Variants in ENTHD1 observed in about 807,000 individuals in gnomAD.
The protein encoded by ENTHD1 is ENTH domain containing 1.
A neutral mutation model predicts 39.1 loss-of-function variants in ENTHD1; 23 were observed. The ratio of observed to expected loss-of-function variants is 0.59; its 90% CI spans 0.42 to 0.83. ENTHD1 has a LOEUF of 0.83. Ranked by LOEUF, ENTHD1 falls within the 40% of genes least tolerant of loss-of-function variation. The pLI, the probability that ENTHD1 is intolerant of heterozygous loss-of-function variation, is 0.00. For synonymous variants in ENTHD1, 230 were observed against 258.2 expected (o/e 0.89, Z 1.05); for missense variants, 624 against 705.4 (o/e 0.88, Z 1.31).
chr22:39,756,287 G>GTCTCTCTCTCTC (rs769318998), intron 6 of ENTHD1, among the ~76,000 whole-genome samples: 4 of 144,336 alleles, frequency 2.8e-5, no homozygotes, highest in East Asian at 4.1e-4. Flanking sequence ...CAATGTCTCT[G>GTCTCTCTCTCTC]TCTCTCTCTC....
At position 39,786,676 on chromosome 22, in the gene ENTHD1, T is replaced by C. The variant is rs192560731; in HGVS notation, c.833-21067A>G. 6.0e-3 allele frequency among the ~76,000 whole-genome samples: 913 copies of C among 152,206 alleles called. 4 individuals carry two copies. Among genetic ancestry groups the C allele is most frequent in the African/African-American group, 0.021 (871 of 41,534 alleles). On this transcript the variant is annotated intron_variant, in intron 5 of 6. Coordinates refer to ENST00000325157, the MANE Select transcript of ENTHD1 (RefSeq NM_152512.4). ...CATCTGAAGTGAAACTTTATACACTTTAACCAACATCTCTCCAATCCCCTC... is the reference window on the plus strand; with the variant it reads ...CATCTGAAGTGAAACTTTATACACTCTAACCAACATCTCTCCAATCCCCTC...
Position 39,861,908 on chromosome 22 carries a change from C to G in ENTHD1, c.449G>C (p.Arg150Pro), listed in dbSNP as rs762245558. 1 of 1,603,288 alleles carries G rather than the reference C, an allele frequency of 6.2e-7. No individual in the cohort carries two copies. The highest frequency in any genetic ancestry group is 8.5e-7 in the Non-Finnish European group (1 of 1,172,660). ...EREVACRTRQRTSHSILFSKR... is the reference protein window; with the variant it reads ...EREVACRTRQPTSHSILFSKR... ...AGAAAACAATATAGAGTGGGAGGTA[C>G]GCTGTCTAGTCCGACATGCCACTTC... is the stretch of plus-strand genomic sequence containing the variant. Residue 150 changes from arginine to proline, a missense_variant, in exon 3 of 7, where the codon CGT becomes CCT. Physicochemically the swap from Arg to Pro is moderately radical, Grantham distance 103 (BLOSUM62 -2). Transcript: ENST00000325157.
chr22:39,840,418 C>T (rs1017971844), intron 3 of ENTHD1, among the ~76,000 whole-genome samples: 2 of 152,162 alleles, frequency 1.3e-5, no homozygotes, highest in African/African-American at 4.8e-5. Context: ...AGATATCAAA[C>T]TGACGTTCAA....
At chr22:39,822,101 C>T (rs1302500680) in intron 4 of ENTHD1, among the ~76,000 whole-genome samples, 1 of 152,110 alleles carries the variant, frequency 6.6e-6, no homozygotes, top group Non-Finnish European at 1.5e-5. Context: ...GTTCATATTT[C>T]CAACTTCTCC....
intron 3 of ENTHD1, among the ~76,000 whole-genome samples, chr22:39,844,988 A>G (rs1362846125): frequency 1.3e-5 from 2 of 152,094 alleles, no homozygotes; most frequent in Non-Finnish European, 2.9e-5. Flanking sequence ...GACCTCGTAT[A>G]AGAGACTCAA....
At chr22:39,877,549 C>T (rs920836305) in intron 2 of ENTHD1, among the ~76,000 whole-genome samples, 2 of 152,156 alleles carry the variant, frequency 1.3e-5, no homozygotes, top group Non-Finnish European at 2.9e-5. Context: ...GTGCTGAGGT[C>T]GGGAAGCCTG....
At chr22:39,794,853 GA>G (rs1448522933) in intron 5 of ENTHD1, among the ~76,000 whole-genome samples, 3 of 152,094 alleles carry the variant, frequency 2.0e-5, no homozygotes, top group African/African-American at 7.2e-5. Context: ...GTTCTTAGAG[GA>G]AAGGCTTTTA....
intron 4 of ENTHD1, among the ~76,000 whole-genome samples, chr22:39,831,457 AG>A (rs1461622366): frequency 5.3e-5 from 8 of 152,206 alleles, no homozygotes; most frequent in Non-Finnish European, 8.8e-5. Flanking sequence ...GAGCTACTCA[AG>A]ATGAGCTTAT....
intron 1 of ENTHD1, among the ~76,000 whole-genome samples, chr22:39,892,075 C>T (rs1218464022): frequency 1.3e-5 from 2 of 152,098 alleles, no homozygotes; most frequent in Non-Finnish European, 2.9e-5. Context: ...ATTTTCAAAT[C>T]ATCAACAGAT....
Position 39,765,374 on chromosome 22 carries a change from G to C in ENTHD1, c.1068C>G (p.Phe356Leu). The C allele has an allele frequency of 1.2e-6, 2 of 1,614,044 alleles. No homozygotes were observed. Among genetic ancestry groups the C allele is most frequent in the Non-Finnish European group, 1.7e-6 (2 of 1,179,998 alleles). Residue 356 changes from phenylalanine (F) to leucine (L), a missense_variant, in exon 6 of 7, where the codon TTC (phenylalanine) becomes TTG (leucine). Transcript: ENST00000325157. ...GTGTTTCTACAGAGGCCTGGTTATG[G>C]AAAGTAGAATCTGACTTTGATACCC... Reference protein sequence around the residue: ...DLRVSKSDSTFHNQASVETLC... With the variant: ...DLRVSKSDSTLHNQASVETLC...
intron 5 of ENTHD1, among the ~76,000 whole-genome samples, chr22:39,772,629 A>T (rs1274673568): frequency 6.6e-6 from 1 of 152,206 alleles, no homozygotes; most frequent in Non-Finnish European, 1.5e-5. Context: ...TAATAGAAAA[A>T]TAGCAGTTGT....
intron 1 of ENTHD1, 154 bp downstream of exon 1, chr22:39,893,541 G>A (rs927553213): frequency 6.6e-6 from 1 of 152,390 alleles, no homozygotes; most frequent in East Asian, 1.9e-4. Flanking sequence ...TCACGCCACA[G>A]GGATTTCACC....
rs147186731 is a variant in ENTHD1 at position 39,879,930 on chromosome 22, T to G, written c.349+7470A>C. ...ATCCCAACAATGGGCTACTATTAAG[T>G]GCTAAAAGGAAATGAGGCTGGGCGC... On this transcript the variant is annotated intron_variant, in intron 2 of 6. Coordinates refer to ENST00000325157, the MANE Select transcript of ENTHD1 (RefSeq NM_152512.4). Among the ~76,000 whole-genome samples the G allele has an allele frequency of 7.2e-3, 1,097 of 152,310 alleles. 8 individuals carry two copies. Among genetic ancestry groups the G allele is most frequent in the Non-Finnish European group, 0.013 (899 of 68,028 alleles).
chr22:39,790,313 A>G lies in ENTHD1; in HGVS notation c.833-24704T>C, dbSNP rs539362348. ...GCTGCAATAATTCATGGAGGCAACAATGGTGGACAGGATATCTTGATCCTG... is the reference window on the plus strand; with the variant it reads ...GCTGCAATAATTCATGGAGGCAACAGTGGTGGACAGGATATCTTGATCCTG... On this transcript the variant is annotated intron_variant, in intron 5 of 6. Transcript: ENST00000325157. Among the ~76,000 whole-genome samples, 22 of 152,262 alleles carry G rather than the reference A, an allele frequency of 1.4e-4. No homozygotes were observed. The South Asian group carries it at 2.7e-3, about 19-fold the overall frequency.
intron 5 of ENTHD1, among the ~76,000 whole-genome samples, chr22:39,786,630 A>G (rs372064711): frequency 1.2e-4 from 19 of 152,032 alleles, no homozygotes; most frequent in East Asian, 7.7e-4. Flanking sequence ...TCAGCTGTAC[A>G]ATAGATCTCC....
intron 6 of ENTHD1, among the ~76,000 whole-genome samples, chr22:39,757,266 T>G (rs2146543312): frequency 6.6e-6 from 1 of 151,646 alleles, no homozygotes; most frequent in Admixed American, 6.6e-5. Context: ...TTCTAATTAT[T>G]TATTATTGTT....
chr22:39,811,540 A>C (rs1190458299), intron 5 of ENTHD1, among the ~76,000 whole-genome samples: 1 of 152,122 alleles, frequency 6.6e-6, no homozygotes, highest in Non-Finnish European at 1.5e-5. Context: ...AAAAAACAAC[A>C]CTTGGCTTGC....
intron 1 of ENTHD1, chr22:39,893,344 G>A (rs534508848): frequency 2.1e-3 from 316 of 152,188 alleles, no homozygotes; most frequent in Admixed American, 3.9e-3. Context: ...GCCTTTCCTC[G>A]GCATCCTCGT....
chr22:39,887,484 C>G lies in ENTHD1; in HGVS notation c.265G>C (p.Val89Leu). Residue 89 changes from valine (V) to leucine (L), a missense_variant, in exon 2 of 7, where the codon GTT becomes CTT. By Grantham distance (32) the Val-to-Leu change is conservative. Transcript: ENST00000325157. ...DYLIKNGSKK[V>L]IQHCREGFCN... ...AACCCCTCTCTGCAATGCTGAATAA[C>G]TTTCTTTGATCCATTCTTGATGAGA... 6.2e-7 allele frequency: 1 copy of G among 1,614,204 alleles called. No homozygotes were observed. Among genetic ancestry groups the G allele is most frequent in the Non-Finnish European group, 8.5e-7 (1 of 1,180,034 alleles).
Sources: allele counts gnomAD v4.1 joint callset (sites outside exome capture counted in the v4.1 genomes callset), GRCh38; gene constraint gnomAD v4.1.1; transcripts MANE v1.5; gene names NCBI Gene and HGNC (gene_info 2026-07-23, HGNC 2026-07-21).